PACRGL: variants seen among roughly 807,000 people sequenced by gnomAD.
The protein encoded by PACRGL is parkin coregulated like.
PACRGL carries 38 observed loss-of-function variants against 34.5 expected under a neutral mutation model. The observed-to-expected ratio is 1.10, with a 90% CI of 0.85 to 1.44. The LOEUF (loss-of-function observed/expected upper bound fraction) is 1.44. Among genes scored for constraint, PACRGL ranks in the 40% most tolerant of loss-of-function variants. The pLI, the probability that PACRGL is intolerant of heterozygous loss-of-function variation, is 0.00. For missense variants in PACRGL, 305 were observed against 281.4 expected, an observed-to-expected ratio of 1.08 and a Z score of -0.60; for synonymous variants, 128 against 100.1, an observed-to-expected ratio of 1.28 and a Z score of -1.66.
rs1213488936 is a variant in PACRGL, at chr4:20,728,362, T to C, written c.*1021T>C. The C allele has an allele frequency of 6.6e-6, 1 of 150,662 alleles. No homozygotes were observed. The highest frequency in any genetic ancestry group is 2.4e-5 in the African/African-American group (1 of 41,282). 9.3% of individuals were successfully genotyped at this position (150,662 alleles called of 1,614,324 possible). On this transcript the variant is annotated 3_prime_UTR_variant, in exon 9 of 9. Coordinates refer to ENST00000503585, the MANE Select transcript of PACRGL (RefSeq NM_001258345.3). The stretch of plus-strand genomic sequence containing the variant: ...ATGTTAAAACTTGTACATGCATTCA[T>C]TGATTTTGTTGTGCTTATGTTTAGC...
At chr4:20,761,133 T>G in the PACRGL span, among the ~76,000 whole-genome samples, 1 of 152,098 alleles carries the variant, frequency 6.6e-6, no homozygotes, top group Admixed American at 6.5e-5. Context: ...AGAGTGTTCT[T>G]CAGACATCAT....
At chr4:20,713,039 T>C in intron 6 of PACRGL, 117 bp downstream of exon 6, 1 of 1,073,522 alleles carries the variant, frequency 9.3e-7, no homozygotes, top group Non-Finnish European at 1.3e-6. Context: ...AGTAGTCCTT[T>C]ATCTGTGATT....
intron 8 of PACRGL, among the ~76,000 whole-genome samples, chr4:20,746,003 T>C (rs1047269585): frequency 6.6e-6 from 1 of 152,198 alleles, no homozygotes; most frequent in African/African-American, 2.4e-5. Context: ...GAAATACCAT[T>C]TGACACAGCC....
At chr4:20,713,335 T>A in intron 6 of PACRGL, 97 bp from the exon 7 acceptor site, 1 of 841,566 alleles carries the variant, frequency 1.2e-6, no homozygotes, top group Non-Finnish European at 1.9e-6. Context: ...CTTATCCTTT[T>A]CTCTACTTGC....
chr4:20,740,193 T>C (rs1415136306), intron 8 of PACRGL, among the ~76,000 whole-genome samples: 1 of 152,096 alleles, frequency 6.6e-6, no homozygotes, highest in Non-Finnish European at 1.5e-5. Flanking sequence ...TTGCGCAACC[T>C]AGCAAGTCAG....
At chr4:20,722,690 A>G (rs1005393977) in intron 7 of PACRGL, among the ~76,000 whole-genome samples, 1 of 152,134 alleles carries the variant, frequency 6.6e-6, no homozygotes, top group African/African-American at 2.4e-5. Context: ...CATAAATCAC[A>G]TTGTATAGAC....
At chr4:20,716,580 C>G (rs535440048) in intron 7 of PACRGL, among the ~76,000 whole-genome samples, 2 of 152,020 alleles carry the variant, frequency 1.3e-5, no homozygotes, top group Non-Finnish European at 2.9e-5. Context: ...GAGAACATGC[C>G]GTGTTTGGTT....
At chr4:20,750,305 C>T (rs773028791) in intron 8 of PACRGL, among the ~76,000 whole-genome samples, 2 of 152,056 alleles carry the variant, frequency 1.3e-5, no homozygotes, top group African/African-American at 4.8e-5. Context: ...AGCCCTCAGC[C>T]AGTACCAGGC....
the PACRGL span, among the ~76,000 whole-genome samples, chr4:20,766,426 C>T: frequency 9.3e-4 from 142 of 152,144 alleles, 1 homozygote; most frequent in Admixed American, 7.3e-3. Flanking sequence ...ATTAGCCAGG[C>T]GTGGTGGCAC....
intron 6 of PACRGL, 89 bp from the exon 7 acceptor site, chr4:20,713,343 T>A (rs1419056432): frequency 2.2e-6 from 2 of 925,040 alleles, no homozygotes; most frequent in Non-Finnish European, 3.4e-6. Context: ...TTTCTCTACT[T>A]GCTTGCCCTT....
chr4:20,729,481 A>C lies in PACRGL; in HGVS notation c.*2140A>C, dbSNP rs1308482998. 8.4e-6 allele frequency: 1 copy of C among 119,260 alleles called. No individual in the cohort carries two copies. Among genetic ancestry groups the C allele is most frequent in the African/African-American group, 3.7e-5 (1 of 27,230 alleles). 7.4% of individuals were successfully genotyped at this position (119,260 alleles called of 1,614,324 possible). A position where few individuals can be genotyped will look rare whatever the true frequency, so the allele number is the denominator to read the frequency against. ...ATATCTGATAATAAACTAATTTTTA[A>C]ATGTTTAATAATTTTTAAATGTTTA... is the stretch of plus-strand genomic sequence containing the variant. On this transcript the variant is annotated 3_prime_UTR_variant, in exon 9 of 9. Transcript: ENST00000503585.
chr4:20,736,291 A>G (rs1345560107), downstream of PACRGL, among the ~76,000 whole-genome samples: 2 of 152,182 alleles, frequency 1.3e-5, no homozygotes, highest in Non-Finnish European at 2.9e-5. Flanking sequence ...TTTCCATTGT[A>G]TATGTAAATA....
intron 7 of PACRGL, among the ~76,000 whole-genome samples, chr4:20,717,774 T>A (rs1740858834): frequency 6.6e-6 from 1 of 152,206 alleles, no homozygotes; most frequent in South Asian, 2.1e-4. Context: ...GTGTGATGCC[T>A]CCAGCTTTGT....
the PACRGL span, among the ~76,000 whole-genome samples, chr4:20,759,123 G>A: frequency 6.6e-6 from 1 of 152,144 alleles, no homozygotes; most frequent in Admixed American, 6.6e-5. Flanking sequence ...CAAAGTAGGT[G>A]TAATGTATTC....
intron 1 of PACRGL, 111 bp from the exon 2 acceptor site, chr4:20,704,355 T>C (rs1009071772): frequency 1.0e-6 from 1 of 969,746 alleles, no homozygotes; most frequent in Non-Finnish European, 1.5e-6. Context: ...ATCAACTTTT[T>C]TGTGTGTCTT....
chr4:20,718,457 G>T (rs911577186), intron 7 of PACRGL, among the ~76,000 whole-genome samples: 1 of 152,094 alleles, frequency 6.6e-6, no homozygotes. Context: ...GTATGATATT[G>T]GTTGTGGGTG....
intron 8 of PACRGL, among the ~76,000 whole-genome samples, chr4:20,748,847 A>G (rs1374206306): frequency 6.7e-6 from 1 of 149,164 alleles, no homozygotes; most frequent in Admixed American, 6.8e-5. Context: ...TCTGCTATTT[A>G]CCATTTGAAT....
chr4:20,758,731 T>A, the PACRGL span: 3 of 938,402 alleles, frequency 3.2e-6, no homozygotes, highest in Non-Finnish European at 3.4e-6. Context: ...CGATTAAAAA[T>A]GTAGCATCAT....
downstream of PACRGL, chr4:20,732,911 A>G (rs931569957): frequency 3.3e-6 from 2 of 609,754 alleles, no homozygotes; most frequent in East Asian, 2.8e-5. Context: ...ATTCTTTGTT[A>G]GACGACTGTT....
Sources: allele counts gnomAD v4.1 joint callset (sites outside exome capture counted in the v4.1 genomes callset), GRCh38; gene constraint gnomAD v4.1.1; transcripts MANE v1.5; gene names NCBI Gene and HGNC (gene_info 2026-07-23, HGNC 2026-07-21).